The following TGM4 variants were observed in gnomAD, a reference collection of about 807,000 sequenced individuals.
TGM4 encodes the protein protein-glutamine gamma-glutamyltransferase 4.
A neutral mutation model predicts 76.3 loss-of-function variants in TGM4; 61 were observed. The observed-to-expected ratio is 0.80, with a 90% CI of 0.65 to 0.99. The LOEUF is 0.99. Among genes scored for constraint, TGM4 ranks in the 50% least tolerant of loss-of-function variants. The pLI is 0.00. For missense variants in TGM4, 794 were observed against 843.2 expected (o/e 0.94, Z 0.72); for synonymous variants, 337 against 329.8 (o/e 1.02, Z -0.24).
chr3:44,893,706 G>T lies in TGM4; in HGVS notation c.549+11G>T, dbSNP rs774288030. On this transcript the variant is annotated intron_variant, in intron 5 of 13. Coordinates refer to ENST00000296125, the MANE Select transcript of TGM4 (RefSeq NM_003241.4). Reference sequence around the variant, plus strand: ...TGGAACTTTGGTCAGGTAATGATTTGTCGTCTTGTGGCTGCACCAGGCCCC... The same window carrying T: ...TGGAACTTTGGTCAGGTAATGATTTTTCGTCTTGTGGCTGCACCAGGCCCC... The T allele has an allele frequency of 3.7e-6, 6 of 1,611,384 alleles. No individual in the cohort carries two copies. The highest frequency in any genetic ancestry group is 5.1e-6 in the Non-Finnish European group (6 of 1,177,686).
At chr3:44,891,475 C>T (rs1699696703) in intron 4 of TGM4, among the ~76,000 whole-genome samples, 2 of 151,490 alleles carry the variant, frequency 1.3e-5, no homozygotes, top group Admixed American at 1.3e-4. Context: ...TAACATTTTG[C>T]TCCATTTGCT....
Position 44,907,097 on chromosome 3 carries a change from C to A in TGM4, c.1224C>A (p.His408Gln). 6.2e-7 allele frequency: 1 copy of A among 1,614,098 alleles called. No individual in the cohort carries two copies. Among genetic ancestry groups the A allele is most frequent in the East Asian group, 2.2e-5 (1 of 44,882 alleles). ...VKMVNGQEEL[H>Q]VISMETTSIG... is the part of the protein sequence containing the mutation. ...TGGTGAATGGGCAGGAGGAGTTACACGTAATTTCAATGGAGACCACAAGCA... is the reference window on the plus strand; with the variant it reads ...TGGTGAATGGGCAGGAGGAGTTACAAGTAATTTCAATGGAGACCACAAGCA... Residue 408 changes from histidine to glutamine, a missense_variant, in exon 10 of 14, where the codon CAC becomes CAA. His to Gln is a conservative substitution (Grantham distance 24, BLOSUM62 0). Transcript: ENST00000296125.
intron 13 of TGM4, among the ~76,000 whole-genome samples, chr3:44,911,918 G>A (rs866269954): frequency 3.3e-5 from 5 of 152,082 alleles, no homozygotes; most frequent in African/African-American, 7.2e-5. Context: ...ATCTCCATCC[G>A]TCCCCAGGTT....
chr3:44,898,925 A>C (rs760333200), intron 6 of TGM4, among the ~76,000 whole-genome samples: 2 of 152,020 alleles, frequency 1.3e-5, no homozygotes, highest in Non-Finnish European at 2.9e-5. Context: ...CTGAGAAAGA[A>C]CAAGTAAAGG....
intron 13 of TGM4, 101 bp from the exon 14 acceptor site, chr3:44,913,478 GGCTGA>G (rs1292347136): frequency 2.1e-6 from 3 of 1,425,322 alleles, no homozygotes; most frequent in Non-Finnish European, 2.8e-6. Flanking sequence ...TTTTCAAAGA[GGCTGA>G]GCTAAGGCTC....
chr3:44,905,837 C>T (rs1042695910), intron 9 of TGM4, among the ~76,000 whole-genome samples: 14 of 102,708 alleles, frequency 1.4e-4, no homozygotes, highest in African/African-American at 4.2e-4. Context: ...CCCACACCCC[C>T]GCATACTCTG....
intron 11 of TGM4, 128 bp downstream of exon 11, chr3:44,910,496 T>C (rs1339036584): frequency 8.3e-7 from 1 of 1,211,892 alleles, no homozygotes; most frequent in Non-Finnish European, 1.1e-6. Context: ...CACAAACATT[T>C]ATTGAGCACC....
intron 6 of TGM4, among the ~76,000 whole-genome samples, chr3:44,899,877 C>G (rs1054552374): frequency 6.6e-6 from 1 of 152,238 alleles, no homozygotes; most frequent in African/African-American, 2.4e-5. Context: ...CAGCTTCCAT[C>G]AGAGTGAGCA....
intron 2 of TGM4, among the ~76,000 whole-genome samples, chr3:44,886,464 G>A (rs901508361): frequency 2.6e-5 from 4 of 152,184 alleles, no homozygotes; most frequent in Non-Finnish European, 5.9e-5. Flanking sequence ...CCAACGTGCT[G>A]GTGGAGATCA....
intron 3 of TGM4, chr3:44,888,850 T>C (rs1441534318): frequency 6.6e-6 from 1 of 151,936 alleles, no homozygotes; most frequent in African/African-American, 2.4e-5. Context: ...CTCCTCCCTC[T>C]TGCCACAAGA....
At chr3:44,882,079 A>G (rs200123176) in intron 1 of TGM4, among the ~76,000 whole-genome samples, 1 of 15,382 alleles carries the variant, frequency 6.5e-5, no homozygotes, top group Non-Finnish European at 1.4e-4. Context: ...TTTTTTTTTT[A>G]GAGTTGAGGT....
chr3:44,898,280 CAAA>C (rs35054781), intron 6 of TGM4, among the ~76,000 whole-genome samples: 16 of 98,764 alleles, frequency 1.6e-4, no homozygotes, highest in Admixed American at 4.2e-4. Flanking sequence ...GACTCTGTCT[CAAA>C]AAAAAAAAAA....
intron 13 of TGM4, among the ~76,000 whole-genome samples, chr3:44,912,019 C>T (rs545880690): frequency 1.6e-4 from 25 of 152,038 alleles, no homozygotes; most frequent in African/African-American, 4.6e-4. Flanking sequence ...TTAGTAGAAA[C>T]GGGGTTTCCC....
At chr3:44,911,599 G>C (rs2125761324) in intron 13 of TGM4, among the ~76,000 whole-genome samples, 193 bp downstream of exon 13, 1 of 152,240 alleles carries the variant, frequency 6.6e-6, no homozygotes, top group Non-Finnish European at 1.5e-5. Flanking sequence ...TTTGATTCTT[G>C]CCAATCTAGT....
intron 6 of TGM4, among the ~76,000 whole-genome samples, 184 bp downstream of exon 6, chr3:44,897,000 C>CT (rs59154155): frequency 0.01 from 1,070 of 104,334 alleles, 21 homozygotes; most frequent in South Asian, 0.019. Context: ...GTTTTCTTTT[C>CT]TTTTTTTTTT....
chr3:44,881,492 C>T (rs543163035), intron 1 of TGM4, among the ~76,000 whole-genome samples: 20 of 152,334 alleles, frequency 1.3e-4, no homozygotes, highest in African/African-American at 4.6e-4. Context: ...TGAGGGCCTT[C>T]TTCCTAGCGA....
chr3:44,910,725 T>C (rs1349120776), intron 11 of TGM4, among the ~76,000 whole-genome samples: 2 of 152,222 alleles, frequency 1.3e-5, no homozygotes, highest in Non-Finnish European at 2.9e-5. Flanking sequence ...TGGGATGTCC[T>C]GATGACAACG....
At chr3:44,880,290 C>T (rs1699514670) in intron 1 of TGM4, among the ~76,000 whole-genome samples, 1 of 152,178 alleles carries the variant, frequency 6.6e-6, no homozygotes, top group Non-Finnish European at 1.5e-5. Context: ...AGAAGATTGG[C>T]GTTTATCCCC....
intron 11 of TGM4, 65 bp from the exon 12 acceptor site, chr3:44,910,893 G>A (rs1259331133): frequency 1.0e-5 from 16 of 1,542,370 alleles, no homozygotes. Context: ...TGTGCTTGAT[G>A]AGGAGAACTC....
Sources: allele counts gnomAD v4.1 joint callset (sites outside exome capture counted in the v4.1 genomes callset), GRCh38; gene constraint gnomAD v4.1.1; transcripts MANE v1.5; gene names NCBI Gene and HGNC (gene_info 2026-07-23, HGNC 2026-07-21).